The following XPR1 variants were observed in gnomAD, a reference collection of about 807,000 sequenced individuals.
XPR1 encodes solute carrier family 53 member 1.
In XPR1, 28 loss-of-function variants were observed where a neutral mutation model predicts 87.5. The observed-to-expected ratio is 0.32, with a 90% CI of 0.24 to 0.44. The LOEUF (loss-of-function observed/expected upper bound fraction) is 0.44. Ranked by LOEUF, XPR1 falls within the 20% of genes least tolerant of loss-of-function variation. The pLI is 1.00. For synonymous variants in XPR1, 300 were observed against 306.1 expected, an observed-to-expected ratio of 0.98 and a Z score of 0.21; for missense variants, 559 against 862.3, an observed-to-expected ratio of 0.65 and a Z score of 4.41.
chr1:180,726,384 T>C (rs1258081207), intron 2 of XPR1, among the ~76,000 whole-genome samples: 1 of 152,146 alleles, frequency 6.6e-6, no homozygotes. Context: ...TTGCTGCTGC[T>C]CACTCTTTGG....
At chr1:180,811,914 T>A (rs1282243299) in intron 7 of XPR1, among the ~76,000 whole-genome samples, 2 of 152,194 alleles carry the variant, frequency 1.3e-5, no homozygotes, top group African/African-American at 4.8e-5. Flanking sequence ...TTACTTTGCA[T>A]ATAGTGTTAA....
At chr1:180,757,140 CT>C (rs1446526161) in intron 2 of XPR1, among the ~76,000 whole-genome samples, 1 of 152,080 alleles carries the variant, frequency 6.6e-6, no homozygotes, top group Non-Finnish European at 1.5e-5. Context: ...TTTTGGGTTC[CT>C]TGCATTTCCA....
At chr1:180,673,456 T>G (rs1277650790) in intron 1 of XPR1, among the ~76,000 whole-genome samples, 1 of 152,158 alleles carries the variant, frequency 6.6e-6, no homozygotes, top group Non-Finnish European at 1.5e-5. Flanking sequence ...CATCTAAAAA[T>G]AAAGTAGGAA....
chr1:180,743,748 G>GT (rs1421711913), intron 2 of XPR1, among the ~76,000 whole-genome samples: 1 of 152,118 alleles, frequency 6.6e-6, no homozygotes, highest in East Asian at 1.9e-4. Flanking sequence ...CCTGAAGGAT[G>GT]TTTTCAATGG....
At chr1:180,694,591 T>G (rs143854559) in intron 2 of XPR1, among the ~76,000 whole-genome samples, 1 of 152,268 alleles carries the variant, frequency 6.6e-6, no homozygotes, top group African/African-American at 2.4e-5. Context: ...ACCACAAATC[T>G]CTTTTTAGTA....
At chr1:180,822,315 C>T (rs1650663409) in intron 7 of XPR1, among the ~76,000 whole-genome samples, 1 of 152,164 alleles carries the variant, frequency 6.6e-6, no homozygotes, top group Non-Finnish European at 1.5e-5. Context: ...TTGTACTTTC[C>T]CTCTCTACAA....
chr1:180,690,272 TG>T (rs1253052471), intron 2 of XPR1, among the ~76,000 whole-genome samples: 1 of 152,114 alleles, frequency 6.6e-6, no homozygotes, highest in Non-Finnish European at 1.5e-5. Flanking sequence ...ATTTCAAAAT[TG>T]ATATAAGGTG....
At chr1:180,702,983 A>C (rs990973989) in intron 2 of XPR1, among the ~76,000 whole-genome samples, 3 of 152,032 alleles carry the variant, frequency 2.0e-5, no homozygotes, top group African/African-American at 7.3e-5. Flanking sequence ...TTGATTGGGT[A>C]GGTTGCTTTG....
At chr1:180,754,823 A>G (rs1421334766) in intron 2 of XPR1, among the ~76,000 whole-genome samples, 1 of 151,482 alleles carries the variant, frequency 6.6e-6, no homozygotes, top group South Asian at 2.1e-4. Flanking sequence ...AAAAAATTTC[A>G]TGTCTTCCTT....
chr1:180,777,878 G>A (rs1178036650), intron 2 of XPR1, among the ~76,000 whole-genome samples: 1 of 152,192 alleles, frequency 6.6e-6, no homozygotes, highest in Non-Finnish European at 1.5e-5. Context: ...AGAAACTATT[G>A]TGTAGGGAAT....
chr1:180,651,782 A>C (rs1655299542), intron 1 of XPR1, among the ~76,000 whole-genome samples: 1 of 152,186 alleles, frequency 6.6e-6, no homozygotes, highest in Non-Finnish European at 1.5e-5. Flanking sequence ...ATAGGAAATA[A>C]CATTGTAGAA....
At chr1:180,876,521 A>C (rs1005776445) in intron 13 of XPR1, among the ~76,000 whole-genome samples, 3 of 152,120 alleles carry the variant, frequency 2.0e-5, no homozygotes, top group Non-Finnish European at 4.4e-5. Context: ...CTGTAGTCCC[A>C]GCTACTCAGG....
chr1:180,683,920 C>A (rs1656674931), intron 2 of XPR1, among the ~76,000 whole-genome samples: 2 of 152,178 alleles, frequency 1.3e-5, no homozygotes, highest in East Asian at 3.9e-4. Context: ...GTTGCCTGTT[C>A]ACTCTGATGG....
chr1:180,735,608 ACT>A (rs1658703100), intron 2 of XPR1, among the ~76,000 whole-genome samples: 1 of 152,074 alleles, frequency 6.6e-6, no homozygotes. Flanking sequence ...ATTCTCTTGA[ACT>A]CTATTAACTA....
intron 13 of XPR1, among the ~76,000 whole-genome samples, chr1:180,879,799 T>C (rs1652787276): frequency 6.6e-6 from 1 of 152,250 alleles, no homozygotes; most frequent in Non-Finnish European, 1.5e-5. Flanking sequence ...TACTGCCTTA[T>C]GGCAGACATT....
At chr1:180,688,162 C>T (rs1246301895) in intron 2 of XPR1, among the ~76,000 whole-genome samples, 1 of 150,466 alleles carries the variant, frequency 6.6e-6, no homozygotes, top group Non-Finnish European at 1.5e-5. Flanking sequence ...AAGTGATTCT[C>T]CTGCCTCAGC....
At chr1:180,638,590 C>G (rs754343977) in intron 1 of XPR1, among the ~76,000 whole-genome samples, 7 of 152,112 alleles carry the variant, frequency 4.6e-5, no homozygotes, top group African/African-American at 1.7e-4. Flanking sequence ...TTATAGAAGT[C>G]TTCCTTTGCT....
intron 2 of XPR1, among the ~76,000 whole-genome samples, chr1:180,688,859 A>T (rs931213480): frequency 6.6e-6 from 1 of 151,058 alleles, no homozygotes; most frequent in Non-Finnish European, 1.5e-5. Context: ...TTACATCTTT[A>T]TTTTTTTTTA....
intron 1 of XPR1, among the ~76,000 whole-genome samples, chr1:180,675,392 AC>A (rs565440153): frequency 2.2e-4 from 33 of 152,290 alleles, no homozygotes; most frequent in Non-Finnish European, 4.3e-4. Context: ...TAGAGTAGCT[AC>A]CTCTGGAGAT....
Sources: gnomAD v4.1 joint callset for allele counts (sites outside exome capture counted in the v4.1 genomes callset) on GRCh38, gnomAD v4.1.1 for gene constraint, MANE v1.5 for transcripts, NCBI Gene and HGNC (gene_info 2026-07-23, HGNC 2026-07-21) for gene names.